The following CCDC183 variants were observed in gnomAD, a reference collection of about 807,000 sequenced individuals.
The protein encoded by CCDC183 is coiled-coil domain containing 183.
In CCDC183, 63 loss-of-function variants were observed where a neutral mutation model predicts 65.2. The observed-to-expected ratio is 0.97, with a 90% CI of 0.79 to 1.19. CCDC183 has a LOEUF of 1.19. Among genes scored for constraint, CCDC183 ranks in the 50% most tolerant of loss-of-function variants. The pLI is 0.00. For missense variants in CCDC183, 769 were observed against 689.3 expected, an observed-to-expected ratio of 1.12 and a Z score of -1.30; for synonymous variants, 323 against 276.5, an observed-to-expected ratio of 1.17 and a Z score of -1.67.
Position 136,804,839 on chromosome 9 carries a change from G to A in CCDC183, c.847+23G>A. 6.2e-7 allele frequency: 1 copy of A among 1,609,774 alleles called. No individual in the cohort carries two copies. Among genetic ancestry groups the A allele is most frequent in the South Asian group, 1.1e-5 (1 of 90,988 alleles). On this transcript the variant is annotated intron_variant, in intron 8 of 13. Transcript: ENST00000338005. This position sits in a 1 kb window ranked among gnomAD's most constrained non-coding sequence, Gnocchi z 4.1. ...AATGTAAGCGCTCAGCTCCCCACCT[G>A]CCCCCAGCCAGGGTCCCAAGGAGAG...
At chr9:136,798,785 C>T (rs1847692675) in intron 1 of CCDC183, among the ~76,000 whole-genome samples, 1 of 152,184 alleles carries the variant, frequency 6.6e-6, no homozygotes, top group South Asian at 2.1e-4. Flanking sequence ...CCAGAATGGA[C>T]AGGAAAACAC....
chr9:136,801,461 T>A (rs1256619127), intron 5 of CCDC183, among the ~76,000 whole-genome samples: 1 of 151,938 alleles, frequency 6.6e-6, no homozygotes, highest in Non-Finnish European at 1.5e-5. Context: ...ATCCCAGCAC[T>A]TTGGGAGGCC....
At position 136,804,154 on chromosome 9, in the gene CCDC183, G is replaced by T; in HGVS notation, c.667-348G>T. 1 of 276,514 alleles carries T rather than the reference G, an allele frequency of 3.6e-6. No homozygotes were observed. 17.1% of individuals were successfully genotyped at this position (276,514 alleles called of 1,614,324 possible). A position where few individuals can be genotyped will look rare whatever the true frequency, so the allele number is the denominator to read the frequency against. ...AGATGACGGTTTTAGCTGCCCAAGG[G>T]CACGCTGGAAGAGGCCAGGTTTTGG... On this transcript the variant is annotated intron_variant, in intron 6 of 13. Transcript: ENST00000338005. The surrounding 1 kb of genome is among the most constrained non-coding windows in gnomAD (Gnocchi z 4.1).
rs779643992 is a variant in CCDC183 at position 136,802,650 on chromosome 9, C to T, written c.544-14C>T. On this transcript the variant is annotated splice_polypyrimidine_tract_variant and intron_variant, in intron 5 of 13. Coordinates refer to ENST00000338005, the MANE Select transcript of CCDC183 (RefSeq NM_001039374.5). ...CACTCTGTAGGGGCCACAAGAGAAC[C>T]CCATTCAACACAGGTGCTGGCAGGA... 6.2e-7 allele frequency: 1 copy of T among 1,603,030 alleles called. No homozygotes were observed. The highest frequency in any genetic ancestry group is 2.2e-5 in the East Asian group (1 of 44,782).
intron 9 of CCDC183, among the ~76,000 whole-genome samples, chr9:136,805,759 TG>T (rs1315687888): frequency 6.6e-6 from 1 of 152,206 alleles, no homozygotes; most frequent in African/African-American, 2.4e-5. Flanking sequence ...CCTTCAGTGA[TG>T]ATCTCCTTAT....
At chr9:136,796,578 G>A in intron 1 of CCDC183, 111 bp downstream of exon 1, 1 of 760,450 alleles carries the variant, frequency 1.3e-6, no homozygotes, top group South Asian at 1.6e-5. Context: ...TGTAGAAAAG[G>A]AAGACATAAG....
At chr9:136,796,507 T>C (rs1348247663) in intron 1 of CCDC183, 40 bp downstream of exon 1, 36 of 1,409,856 alleles carry the variant, frequency 2.6e-5, no homozygotes, top group Non-Finnish European at 3.3e-5. Context: ...CTTTCCCGTC[T>C]GGGGGTTTCT....
At position 136,799,758 on chromosome 9, in the gene CCDC183, T is replaced by C; in HGVS notation, c.238T>C (p.Leu80=). 1 of 1,613,190 alleles carries C rather than the reference T, an allele frequency of 6.2e-7. No homozygotes were observed. Among genetic ancestry groups the C allele is most frequent in the Non-Finnish European group, 8.5e-7 (1 of 1,179,936 alleles). Residue 80 remains leucine (L), a synonymous_variant, in exon 3 of 14, where the codon TTG becomes CTG. Transcript: ENST00000338005. ...CAAGGCCTGCGGGAAAAACTTGCCT[T>C]TGCGACTGGCGCACTGCCGCAGCAC... is the stretch of plus-strand genomic sequence containing the variant. The part of the protein sequence containing the change: ...ISKACGKNLP[L]RLAHCRSTME...
chr9:136,802,742 A>C lies in CCDC183; in HGVS notation c.622A>C (p.Lys208Gln). Residue 208 changes from lysine to glutamine, a missense_variant, in exon 6 of 14, where the codon AAG (lysine) becomes CAG (glutamine). Coordinates refer to ENST00000338005, the MANE Select transcript of CCDC183 (RefSeq NM_001039374.5). ...VNYCSELSDM[K>Q]IMSQDAMMIT... ...CTACTGCTCAGAGCTGTCGGATATG[A>C]AGATCATGTCCCAAGATGCCATGAT... The C allele has an allele frequency of 1.2e-6, 2 of 1,613,456 alleles. No individual in the cohort carries two copies. Among genetic ancestry groups the C allele is most frequent in the Non-Finnish European group, 1.7e-6 (2 of 1,179,830 alleles).
At chr9:136,806,710 C>T in intron 11 of CCDC183, 38 bp downstream of exon 11, 2 of 1,613,354 alleles carry the variant, frequency 1.2e-6, no homozygotes, top group Non-Finnish European at 1.7e-6. Flanking sequence ...ACACCAGGTC[C>T]CTGGGCAGGG....
rs576760799 is a variant in CCDC183 at position 136,807,644 on chromosome 9, G to A, written c.1559G>A (p.Arg520Gln). 4.5e-5 allele frequency: 72 copies of A among 1,603,988 alleles called. No individual in the cohort carries two copies. The East Asian group carries it at 1.1e-3, about 25-fold the overall frequency. ...GCCGAGATCAAGAGGCAGGCGCAGC[G>A]GCTAATCGAGGGGAAGCTCAAGGCG... Reference protein sequence around the residue: ...SRAEIKRQAQRLIEGKLKAAK... With the variant: ...SRAEIKRQAQQLIEGKLKAAK... The change falls in exon 14 of 14, where the codon CGG (arginine) becomes CAG (glutamine). Residue 520 changes from arginine (R) to glutamine (Q), a missense_variant. Transcript: ENST00000338005.
intron 9 of CCDC183, 57 bp downstream of exon 9, chr9:136,805,514 T>C (rs1847828203): frequency 1.4e-6 from 2 of 1,446,532 alleles, no homozygotes; most frequent in African/African-American, 2.8e-5. Context: ...CTCTCACGTC[T>C]GGGTAATGCT....
chr9:136,799,195 G>A lies in CCDC183; in HGVS notation c.164G>A (p.Gly55Glu), dbSNP rs745736969. The A allele has an allele frequency of 6.2e-7, 1 of 1,610,208 alleles. No homozygotes were observed. Among genetic ancestry groups the A allele is most frequent in the South Asian group, 1.1e-5 (1 of 90,714 alleles). ...LALLRSNIRR[G>E]AQDWALAKKY... ...CTCCTGCGCAGCAACATCCGCCGCG[G>A]GGCCCAGGACTGGGCTTTGGCCAAG... The change falls in exon 2 of 14, where the codon GGG (glycine) becomes GAG (glutamate). Residue 55 changes from glycine (G) to glutamate (E), a missense_variant. By Grantham distance (98) the Gly-to-Glu change is moderately conservative (BLOSUM62 -2). Transcript: ENST00000338005.
At chr9:136,800,590 G>T in intron 5 of CCDC183, 97 bp downstream of exon 5, 1 of 884,002 alleles carries the variant, frequency 1.1e-6, no homozygotes, top group South Asian at 1.6e-5. Context: ...CCGCCAGGGA[G>T]AGGGAGCTCT....
At chr9:136,799,895 C>T (rs1847709411) in intron 3 of CCDC183, 105 bp downstream of exon 3, 2 of 1,512,156 alleles carry the variant, frequency 1.3e-6, no homozygotes. Context: ...GTGCCCAGCC[C>T]CAGGTTCCCT....
Position 136,804,246 on chromosome 9 carries a change from A to G in CCDC183, c.667-256A>G, listed in dbSNP as rs1465691475. On this transcript the variant is annotated intron_variant, in intron 6 of 13. Coordinates refer to ENST00000338005, the MANE Select transcript of CCDC183 (RefSeq NM_001039374.5). This position sits in a 1 kb window ranked among gnomAD's most constrained non-coding sequence, Gnocchi z 4.1. ...CCGTGAGTTCTAGGTGGACCTGGCC[A>G]GGAGGCAGCTGGGGGCCAGCGGCTG... is the stretch of plus-strand genomic sequence containing the variant. The G allele has an allele frequency of 2.1e-6, 1 of 485,190 alleles. No homozygotes were observed. The highest frequency in any genetic ancestry group is 3.8e-5 in the East Asian group (1 of 26,376). The allele number at this position is 485,190 out of a possible 1,614,324, so 30.1% of individuals were successfully genotyped here.
In CCDC183 at chr9:136,804,177, T is replaced by G. The variant is rs1468627599; in HGVS notation, c.667-325T>G. On this transcript the variant is annotated intron_variant, in intron 6 of 13. Transcript: ENST00000338005. This position sits in a 1 kb window ranked among gnomAD's most constrained non-coding sequence, Gnocchi z 4.1. ...GGGCACGCTGGAAGAGGCCAGGTTTTGGGGAAGAGGATGAATCTGTCTTCA... is the reference window on the plus strand; with the variant it reads ...GGGCACGCTGGAAGAGGCCAGGTTTGGGGGAAGAGGATGAATCTGTCTTCA... 2 of 297,056 alleles carry G rather than the reference T, an allele frequency of 6.7e-6. No homozygotes were observed. Among genetic ancestry groups the G allele is most frequent in the East Asian group, 7.5e-5 (1 of 13,382 alleles). The allele number at this position is 297,056 out of a possible 1,614,324, so 18.4% of individuals were successfully genotyped here.
intron 9 of CCDC183, 94 bp from the exon 10 acceptor site, chr9:136,805,984 G>A (rs973309086): frequency 4.1e-5 from 41 of 1,009,828 alleles, no homozygotes; most frequent in South Asian, 6.5e-5. Context: ...GTGCACTAGC[G>A]TCTAGGAGGG....
chr9:136,804,389 T>C lies in CCDC183; in HGVS notation c.667-113T>C. The stretch of plus-strand genomic sequence containing the variant: ...AAAGGGTGTGGCCATTGGCCGGGGA[T>C]GCAGTTCCAAAGTCTAGTAAGGTGA... On this transcript the variant is annotated intron_variant, in intron 6 of 13. Transcript: ENST00000338005. This position sits in a 1 kb window ranked among gnomAD's most constrained non-coding sequence, Gnocchi z 4.1. 7.2e-7 allele frequency: 1 copy of C among 1,396,814 alleles called. No homozygotes were observed. Among genetic ancestry groups the C allele is most frequent in the Non-Finnish European group, 9.6e-7 (1 of 1,046,380 alleles). 86.5% of individuals were successfully genotyped at this position (1,396,814 alleles called of 1,614,324 possible). A position where few individuals can be genotyped will look rare whatever the true frequency, so the allele number is the denominator to read the frequency against.
Sources: gnomAD v4.1 joint callset for allele counts (sites outside exome capture counted in the v4.1 genomes callset) on GRCh38, gnomAD v4.1.1 for gene constraint, Gnocchi (gnomAD v3.1) non-coding constraint, MANE v1.5 for transcripts, NCBI Gene and HGNC (gene_info 2026-07-23, HGNC 2026-07-21) for gene names.